Variants in GALK2 observed in about 807,000 individuals in gnomAD.
The protein encoded by GALK2 is N-acetylgalactosamine kinase.
Under a neutral mutation model 52.4 loss-of-function variants are expected in GALK2, and 36 were observed. The observed-to-expected ratio is 0.69, with a 90% CI of 0.53 to 0.91. The LOEUF is 0.91. Among genes scored for constraint, GALK2 ranks in the 40% least tolerant of loss-of-function variants. The pLI is 0.00. For synonymous variants in GALK2, 176 were observed against 199.1 expected, an observed-to-expected ratio of 0.88 and a Z score of 0.98; for missense variants, 579 against 559.1, an observed-to-expected ratio of 1.04 and a Z score of -0.36.
At chr15:49,355,769 A>G (rs2043051475) in intron 3 of GALK2, among the ~76,000 whole-genome samples, 1 of 151,716 alleles carries the variant, frequency 6.6e-6, no homozygotes, top group Non-Finnish European at 1.5e-5. Flanking sequence ...GAGAAGAGCA[A>G]CTCCAAGACA....
chr15:49,227,491 A>G (rs1248192517), intron 3 of GALK2, among the ~76,000 whole-genome samples: 1 of 151,256 alleles, frequency 6.6e-6, no homozygotes, highest in Non-Finnish European at 1.5e-5. Context: ...TATTTTTTTC[A>G]TTCTCTTACT....
chr15:49,209,169 T>C (rs1043197252), intron 2 of GALK2, among the ~76,000 whole-genome samples: 1 of 152,208 alleles, frequency 6.6e-6, no homozygotes, highest in Admixed American at 6.5e-5. Context: ...AAACACTAGC[T>C]ATTTTTAATA....
exon 1 of GALK2, chr15:49,155,817 T>A: frequency 2.8e-6 from 2 of 719,098 alleles, no homozygotes; most frequent in South Asian, 1.8e-5. Context: ...AACTGGGACA[T>A]CGTCCGGTGC....
chr15:49,297,818 T>C (rs1411887983), intron 8 of GALK2, among the ~76,000 whole-genome samples: 1 of 152,244 alleles, frequency 6.6e-6, no homozygotes, highest in Non-Finnish European at 1.5e-5. Context: ...TTTTGGTTAC[T>C]GTAGCCTTGT....
chr15:49,331,766 G>A lies in GALK2; in HGVS notation c.*3607G>A. ...GAGAGAGAATTCTCAATTATTTTCA[G>A]AAAGAAAACCTACCAGTTTATGTAG... On this transcript the variant is annotated 3_prime_UTR_variant, in exon 10 of 10. Coordinates refer to ENST00000560031, the MANE Select transcript of GALK2 (RefSeq NM_002044.4). The A allele has an allele frequency of 1.3e-6, 2 of 1,520,350 alleles. No individual in the cohort carries two copies. Among genetic ancestry groups the A allele is most frequent in the African/African-American group, 2.7e-5 (2 of 73,114 alleles). The allele number at this position is 1,520,350 out of a possible 1,614,324, so 94.2% of individuals were successfully genotyped here. A position where few individuals can be genotyped will look rare whatever the true frequency, so the allele number is the denominator to read the frequency against.
At chr15:49,355,205 A>G (rs145089717) in intron 3 of GALK2, among the ~76,000 whole-genome samples, 62,851 of 151,924 alleles carry the variant, frequency 0.41, 13,136 homozygotes, top group African/African-American at 0.43. Context: ...AAAGGAACGC[A>G]GTTCCTCACC....
At chr15:49,324,136 GTT>G (rs1238166212) in intron 9 of GALK2, among the ~76,000 whole-genome samples, 1 of 152,120 alleles carries the variant, frequency 6.6e-6, no homozygotes, top group African/African-American at 2.4e-5. Context: ...TTTGACACTT[GTT>G]GAAGTTAGAG....
chr15:49,356,057 A>T (rs1164663464), intron 3 of GALK2, among the ~76,000 whole-genome samples: 3 of 149,792 alleles, frequency 2.0e-5, no homozygotes, highest in Non-Finnish European at 4.4e-5. Flanking sequence ...TTTTCTCACC[A>T]ACAGGCCTGC....
chr15:49,195,678 T>TG (rs1455694310), intron 1 of GALK2, among the ~76,000 whole-genome samples: 3 of 152,162 alleles, frequency 2.0e-5, no homozygotes, highest in African/African-American at 7.2e-5. Flanking sequence ...TGGGGGAGCA[T>TG]GGCAGGTTGC....
At chr15:49,210,037 T>C (rs1194111214) in intron 2 of GALK2, among the ~76,000 whole-genome samples, 1 of 152,226 alleles carries the variant, frequency 6.6e-6, no homozygotes, top group Admixed American at 6.5e-5. Context: ...TCAGGTTTTC[T>C]ATTTCTACCT....
intron 8 of GALK2, among the ~76,000 whole-genome samples, chr15:49,315,447 C>T (rs1451890402): frequency 6.6e-6 from 1 of 152,112 alleles, no homozygotes; most frequent in African/African-American, 2.4e-5. Flanking sequence ...TTCAGATTTT[C>T]TTGGATTTTT....
intron 1 of GALK2, among the ~76,000 whole-genome samples, chr15:49,188,223 T>C (rs1334845003): frequency 6.6e-6 from 1 of 152,210 alleles, no homozygotes; most frequent in East Asian, 1.9e-4. Context: ...TTATAAAGGC[T>C]TAGAGTGCCT....
At chr15:49,236,965 C>G (rs2090844660) in intron 4 of GALK2, among the ~76,000 whole-genome samples, 1 of 152,144 alleles carries the variant, frequency 6.6e-6, no homozygotes, top group Admixed American at 6.5e-5. Flanking sequence ...GTTTTCCTTT[C>G]TCTCAGACAC....
chr15:49,239,482 C>A, intron 5 of GALK2, 115 bp downstream of exon 5: 1 of 908,870 alleles, frequency 1.1e-6, no homozygotes, highest in Non-Finnish European at 1.7e-6. Flanking sequence ...AAAAGGACTG[C>A]ACATGTGGGC....
intron 5 of GALK2, among the ~76,000 whole-genome samples, chr15:49,274,879 A>G (rs1389599326): frequency 1.3e-5 from 2 of 152,156 alleles, no homozygotes; most frequent in African/African-American, 4.8e-5. Flanking sequence ...TTCAGGGGCA[A>G]TAACATGGAT....
intron 5 of GALK2, among the ~76,000 whole-genome samples, chr15:49,250,241 A>T (rs1481344646): frequency 6.6e-6 from 1 of 152,196 alleles, no homozygotes; most frequent in East Asian, 1.9e-4. Flanking sequence ...GCCAAATCAT[A>T]TTGTGTGGAG....
At chr15:49,175,977 C>T (rs183675083) in intron 1 of GALK2, among the ~76,000 whole-genome samples, 188 of 152,324 alleles carry the variant, frequency 1.2e-3, no homozygotes, top group Non-Finnish European at 2.3e-3. Context: ...ATTGCTCACT[C>T]GGGGAGCTCG....
rs544428515 is a variant in GALK2, at chr15:49,207,227, G to A, written c.142+5977G>A. ...AGATTAACTTTTTGATATATTGTTGGATTTGGTTAGCTGGGATTTTGTTAA... is the reference window on the plus strand; with the variant it reads ...AGATTAACTTTTTGATATATTGTTGAATTTGGTTAGCTGGGATTTTGTTAA... On this transcript the variant is annotated intron_variant, in intron 2 of 9. Coordinates refer to ENST00000560031, the MANE Select transcript of GALK2 (RefSeq NM_002044.4). Among the ~76,000 whole-genome samples the A allele has an allele frequency of 8.7e-4, 133 of 152,288 alleles. 1 individual carries two copies. Among genetic ancestry groups the A allele is most frequent in the African/African-American group, 3.0e-3 (124 of 41,558 alleles).
chr15:49,307,926 G>T (rs892406255), intron 8 of GALK2, among the ~76,000 whole-genome samples: 12 of 152,048 alleles, frequency 7.9e-5, no homozygotes, highest in African/African-American at 2.7e-4. Flanking sequence ...CCCTTTAAAT[G>T]TAAAATGCTA....
Sources: gnomAD v4.1 joint callset for allele counts (sites outside exome capture counted in the v4.1 genomes callset) on GRCh38, gnomAD v4.1.1 for gene constraint, MANE v1.5 for transcripts, NCBI Gene and HGNC (gene_info 2026-07-23, HGNC 2026-07-21) for gene names.